ZNF276: variants seen among roughly 807,000 people sequenced by gnomAD.
The protein encoded by ZNF276 is centromere protein Z.
A neutral mutation model predicts 63.9 loss-of-function variants in ZNF276; 59 were observed. The ratio of observed to expected loss-of-function variants is 0.92; its 90% CI spans 0.75 to 1.15. The LOEUF (loss-of-function observed/expected upper bound fraction) is 1.15. Among genes scored for constraint, ZNF276 ranks in the 50% most tolerant of loss-of-function variants. The pLI, the probability that ZNF276 is intolerant of heterozygous loss-of-function variation, is 0.00. For missense variants in ZNF276, 1,084 were observed against 843.8 expected (o/e 1.28, Z -3.53); for synonymous variants, 496 against 348.4 (o/e 1.42, Z -4.72).
At chr16:89,726,015 G>A (rs1374856007) in intron 4 of ZNF276, among the ~76,000 whole-genome samples, 2 of 152,114 alleles carry the variant, frequency 1.3e-5, no homozygotes, top group Non-Finnish European at 2.9e-5. Flanking sequence ...CTGGCCGAGA[G>A]AACAGTATTA....
intron 2 of ZNF276, 83 bp downstream of exon 2, chr16:89,722,917 C>T (rs941913667): frequency 1.9e-6 from 3 of 1,558,104 alleles, no homozygotes; most frequent in Middle Eastern, 1.7e-4. Context: ...GGGCGTGCCT[C>T]CGCGGGAGCC....
In ZNF276 at chr16:89,738,922, A is replaced by G; in HGVS notation, c.*676A>G. The stretch of plus-strand genomic sequence containing the variant: ...GAAGCTCTTTTTCGGGCACCGAGGT[A>G]TTAACTGCAGCAGAAAAAGACGAGC... On this transcript the variant is annotated 3_prime_UTR_variant, in exon 11 of 11. Transcript: ENST00000443381. 1 of 1,614,280 alleles carries G rather than the reference A, an allele frequency of 6.2e-7. No homozygotes were observed. Among genetic ancestry groups the G allele is most frequent in the Non-Finnish European group, 8.5e-7 (1 of 1,180,050 alleles).
Position 89,738,803 on chromosome 16 carries a change from A to T in ZNF276, c.*557A>T, listed in dbSNP as rs1362928263. On this transcript the variant is annotated 3_prime_UTR_variant, in exon 11 of 11. Coordinates refer to ENST00000443381, the MANE Select transcript of ZNF276 (RefSeq NM_001113525.2). ...GCAGAAATAGTCGAGTTGTATTGCC[A>T]GCCAGGCAGGCACATGGCCCAGGCA... 1 of 1,613,620 alleles carries T rather than the reference A, an allele frequency of 6.2e-7. No individual in the cohort carries two copies. Among genetic ancestry groups the T allele is most frequent in the Non-Finnish European group, 8.5e-7 (1 of 1,179,842 alleles).
intron 6 of ZNF276, chr16:89,732,227 T>C (rs2061677302): frequency 6.6e-6 from 1 of 152,280 alleles, no homozygotes; most frequent in African/African-American, 2.4e-5. Context: ...CCTCAGGGAC[T>C]TGCCAGACCA....
At chr16:89,734,942 T>C (rs1282995968) in intron 9 of ZNF276, among the ~76,000 whole-genome samples, 1 of 152,128 alleles carries the variant, frequency 6.6e-6, no homozygotes, top group Admixed American at 6.6e-5. Context: ...GTGGATCACC[T>C]GAGGTCAGCA....
At position 89,739,900 on chromosome 16, in the gene ZNF276, AG is replaced by A. The variant is rs780215381; in HGVS notation, c.*1656del. 3.8e-6 allele frequency: 6 copies of A among 1,577,574 alleles called. No individual in the cohort carries two copies. The highest frequency in any genetic ancestry group is 3.4e-6 in the Non-Finnish European group (4 of 1,160,618). On this transcript the variant is annotated 3_prime_UTR_variant, in exon 11 of 11. Coordinates refer to ENST00000443381, the MANE Select transcript of ZNF276 (RefSeq NM_001113525.2). ...ATGGAGCTTATAAACTTACTTAGCA[AG>A]GAACCTCAAGGAGGGCTCGTTCTTA...
At position 89,740,651 on chromosome 16, in the gene ZNF276, A is replaced by AC; in HGVS notation, c.*2405_*2406insC. The AC allele has an allele frequency of 1.5e-6, 1 of 655,036 alleles. No individual in the cohort carries two copies. The highest frequency in any genetic ancestry group is 1.8e-5 in the African/African-American group (1 of 54,126). 40.6% of individuals were successfully genotyped at this position (655,036 alleles called of 1,614,324 possible). On this transcript the variant is annotated 3_prime_UTR_variant, in exon 11 of 11. Transcript: ENST00000443381. The stretch of plus-strand genomic sequence containing the variant: ...ACCCCCATCTCAAAAAAAAAAAAAA[A>AC]AAACCCACGGCCTGGGAGTTCTCAC...
At position 89,727,461 on chromosome 16, in the gene ZNF276, T is replaced by C. The variant is rs2061502118; in HGVS notation, c.1085+104T>C. 16 of 1,359,770 alleles carry C rather than the reference T, an allele frequency of 1.2e-5. No individual in the cohort carries two copies. The South Asian group carries it at 2.1e-4, about 18-fold the overall frequency. 84.2% of individuals were successfully genotyped at this position (1,359,770 alleles called of 1,614,324 possible). ...GAGTGGGTTTAAACAGCCTAAAATT[T>C]CTCCTTCAAAAACCAAACAGCCATC... On this transcript the variant is annotated intron_variant, in intron 5 of 10. Coordinates refer to ENST00000443381, the MANE Select transcript of ZNF276 (RefSeq NM_001113525.2).
chr16:89,739,058 C>T lies in ZNF276; in HGVS notation c.*812C>T, dbSNP rs574812539. The T allele has an allele frequency of 4.3e-5, 70 of 1,613,940 alleles. No homozygotes were observed. The Middle Eastern group carries it at 5.0e-4, about 11-fold the overall frequency. On this transcript the variant is annotated 3_prime_UTR_variant, in exon 11 of 11. Coordinates refer to ENST00000443381, the MANE Select transcript of ZNF276 (RefSeq NM_001113525.2). ...GTCCCCCATAGTCTGCATGCTGTGC[C>T]GGAACATTCTTTGGCAGAAGGAGCC...
At position 89,721,583 on chromosome 16, in the gene ZNF276, C is replaced by G. The variant is rs543824702; in HGVS notation, c.-58C>G. ...GCCGAGCGGAGCCTAACGCCGGGTC[C>G]TCTAGGAACCTCGGGCCGGGCAGCA... is the stretch of plus-strand genomic sequence containing the variant. On this transcript the variant is annotated 5_prime_UTR_variant, in exon 1 of 11. Coordinates refer to ENST00000443381, the MANE Select transcript of ZNF276 (RefSeq NM_001113525.2). 3.4e-5 allele frequency: 49 copies of G among 1,450,804 alleles called. No homozygotes were observed. The East Asian group carries it at 1.3e-3, about 38-fold the overall frequency. The allele number at this position is 1,450,804 out of a possible 1,614,324, so 89.9% of individuals were successfully genotyped here. A position where few individuals can be genotyped will look rare whatever the true frequency, so the allele number is the denominator to read the frequency against.
At chr16:89,728,476 T>C (rs4633719) in intron 5 of ZNF276, among the ~76,000 whole-genome samples, 104,901 of 151,726 alleles carry the variant, frequency 0.69, 37,483 homozygotes, top group East Asian at 0.98. Flanking sequence ...CAATCTCGGC[T>C]CACTGCAAGC....
chr16:89,733,354 A>C lies in ZNF276; in HGVS notation c.1222A>C (p.Arg408=), dbSNP rs1329038644. The part of the protein sequence containing the change: ...SKEAKKSEEP[R]IRKKPGPKPG... ...AGAAGCCAAGAAGTCTGAAGAACCAAGAATTCGGAAGAAGCCGGGACCCAA... is the reference window on the plus strand; with the variant it reads ...AGAAGCCAAGAAGTCTGAAGAACCACGAATTCGGAAGAAGCCGGGACCCAA... The change falls in exon 7 of 11, where the codon AGA becomes CGA. Residue 408 remains arginine, a synonymous_variant. Transcript: ENST00000443381. The C allele has an allele frequency of 6.2e-7, 1 of 1,614,072 alleles. No homozygotes were observed. Among genetic ancestry groups the C allele is most frequent in the East Asian group, 2.2e-5 (1 of 44,904 alleles).
intron 6 of ZNF276, among the ~76,000 whole-genome samples, chr16:89,730,665 C>T (rs112949953): frequency 2.0e-5 from 3 of 152,164 alleles, no homozygotes; most frequent in East Asian, 3.9e-4. Context: ...CAGTGGAAAC[C>T]GCTGCGCAGG....
rs35696259 is a variant in ZNF276, at chr16:89,739,823, T to G, written c.*1577T>G. The G allele has an allele frequency of 2.7e-6, 4 of 1,471,640 alleles. No individual in the cohort carries two copies. Among genetic ancestry groups the G allele is most frequent in the Middle Eastern group, 2.0e-4 (1 of 4,890 alleles). The allele number at this position is 1,471,640 out of a possible 1,614,324, so 91.2% of individuals were successfully genotyped here. ...GTCCTGGGGTTGACCAGTGAGCCAG[T>G]AAATTATCTTATTGCTTTAAACAAG... is the stretch of plus-strand genomic sequence containing the variant. On this transcript the variant is annotated 3_prime_UTR_variant, in exon 11 of 11. Coordinates refer to ENST00000443381, the MANE Select transcript of ZNF276 (RefSeq NM_001113525.2).
chr16:89,723,089 G>A, intron 2 of ZNF276, 48 bp from the exon 3 acceptor site: 1 of 1,612,686 alleles, frequency 6.2e-7, no homozygotes, highest in Non-Finnish European at 8.5e-7. Context: ...CGAGCGCTGT[G>A]AACCTCCGCC....
intron 6 of ZNF276, 39 bp downstream of exon 6, chr16:89,729,357 G>A (rs2061571722): frequency 1.9e-6 from 3 of 1,588,114 alleles, no homozygotes; most frequent in African/African-American, 1.3e-5. Flanking sequence ...GGCATCCGTT[G>A]GGCGACCTAG....
rs774654108 is a variant in ZNF276 at position 89,729,297 on chromosome 16, T to C, written c.1148T>C (p.Phe383Ser). ...AATGCCCAGTCTTCGGACGAGTCCT[T>C]TGAGCCTTACCCAGAAAGGAAGTAA... ...KQNAQSSDES[F>S]EPYPERKVSG... is the part of the protein sequence containing the mutation. The change falls in exon 6 of 11, where the codon TTT becomes TCT. Residue 383 changes from phenylalanine (F) to serine (S), a missense_variant. Coordinates refer to ENST00000443381, the MANE Select transcript of ZNF276 (RefSeq NM_001113525.2). 13 of 1,613,968 alleles carry C rather than the reference T, an allele frequency of 8.1e-6. No individual in the cohort carries two copies. The highest frequency in any genetic ancestry group is 1.3e-5 in the African/African-American group (1 of 74,934).
In ZNF276 at chr16:89,728,504, C is replaced by G. The variant is rs563000386; in HGVS notation, c.1086-731C>G. Among the ~76,000 whole-genome samples, 10 of 152,284 alleles carry G rather than the reference C, an allele frequency of 6.6e-5. 1 individual carries two copies. In the South Asian group the frequency reaches 1.9e-3, roughly 28 times the overall value. ...CTGCAAGCTCTGCCTCCCGGGTTCACGCCATTCTCCGGCCTCAGCCTCTGA... is the reference window on the plus strand; with the variant it reads ...CTGCAAGCTCTGCCTCCCGGGTTCAGGCCATTCTCCGGCCTCAGCCTCTGA... On this transcript the variant is annotated intron_variant, in intron 5 of 10. Coordinates refer to ENST00000443381, the MANE Select transcript of ZNF276 (RefSeq NM_001113525.2).
At chr16:89,727,021 GACT>G (rs2061490943) in intron 4 of ZNF276, among the ~76,000 whole-genome samples, 1 of 152,214 alleles carries the variant, frequency 6.6e-6, no homozygotes, top group Non-Finnish European at 1.5e-5. Flanking sequence ...TCAGTGGAAG[GACT>G]GGGCTTTCTG....
Sources: gnomAD v4.1 joint callset for allele counts (sites outside exome capture counted in the v4.1 genomes callset) on GRCh38, gnomAD v4.1.1 for gene constraint, MANE v1.5 for transcripts, NCBI Gene and HGNC (gene_info 2026-07-23, HGNC 2026-07-21) for gene names.